FGF14: variants seen among roughly 807,000 people sequenced by gnomAD.
FGF14 encodes fibroblast growth factor homologous factor 4.
A neutral mutation model predicts 25.5 loss-of-function variants in FGF14; 5 were observed. The ratio of observed to expected loss-of-function variants is 0.20; its 90% CI spans 0.10 to 0.41. The LOEUF is 0.41. FGF14 is among the 10% of genes least tolerant of loss of function. The probability of loss-of-function intolerance (pLI) is 1.00; values close to 1 mark genes in which losing one functional copy is unlikely to be tolerated. For missense variants in FGF14, 222 were observed against 320.1 expected, an observed-to-expected ratio of 0.69 and a Z score of 2.34; for synonymous variants, 138 against 118.3, an observed-to-expected ratio of 1.17 and a Z score of -1.08.
chr13:102,000,005 C>T (rs2039395345), intron 1 of FGF14, among the ~76,000 whole-genome samples: 1 of 152,174 alleles, frequency 6.6e-6, no homozygotes, highest in Non-Finnish European at 1.5e-5. Context: ...TATACTGAAG[C>T]TCAGTATATC....
chr13:102,346,266 C>T (rs1216148722), intron 1 of FGF14, among the ~76,000 whole-genome samples: 5 of 152,066 alleles, frequency 3.3e-5, no homozygotes, highest in South Asian at 2.1e-4. Context: ...AAATGAAATA[C>T]TATATAGCTA....
At chr13:102,288,316 G>A (rs979562311) in intron 1 of FGF14, among the ~76,000 whole-genome samples, 4 of 151,956 alleles carry the variant, frequency 2.6e-5, no homozygotes, top group Non-Finnish European at 5.9e-5. Flanking sequence ...CAGAAAAACT[G>A]GTTCAAAGAT....
rs558779094 is a variant in FGF14, at chr13:101,777,919, G to A, written c.409-51109C>T. Among the ~76,000 whole-genome samples, 8 of 152,124 alleles carry A rather than the reference G, an allele frequency of 5.3e-5. No individual in the cohort carries two copies. In the East Asian group the frequency reaches 1.2e-3, roughly 22 times the overall value. ...GTGGAGGTTGCAGTGAGCCGAGATCGCACCATTGCACTCCAGCCTGGGTGA... is the reference window on the plus strand; with the variant it reads ...GTGGAGGTTGCAGTGAGCCGAGATCACACCATTGCACTCCAGCCTGGGTGA... On this transcript the variant is annotated intron_variant, in intron 3 of 4. Coordinates refer to ENST00000376143, the MANE Select transcript of FGF14 (RefSeq NM_004115.4).
chr13:102,289,300 G>A (rs2054263155), intron 1 of FGF14, among the ~76,000 whole-genome samples: 1 of 152,062 alleles, frequency 6.6e-6, no homozygotes, highest in Non-Finnish European at 1.5e-5. Context: ...TTCATTCCCA[G>A]CATTTCCCAC....
chr13:101,994,042 T>A (rs2039049863), intron 1 of FGF14, among the ~76,000 whole-genome samples: 2 of 152,060 alleles, frequency 1.3e-5, no homozygotes, highest in African/African-American at 4.8e-5. Context: ...AGTATAATGG[T>A]TACATGGGAT....
chr13:102,171,324 AG>A (rs1020289195), intron 1 of FGF14, among the ~76,000 whole-genome samples: 1 of 152,200 alleles, frequency 6.6e-6, no homozygotes, highest in Non-Finnish European at 1.5e-5. Flanking sequence ...TGATTGCATG[AG>A]GAAGCATTCA....
intron 3 of FGF14, among the ~76,000 whole-genome samples, chr13:101,739,340 T>C (rs113709722): frequency 7.9e-5 from 12 of 152,136 alleles, no homozygotes; most frequent in African/African-American, 2.9e-4. Context: ...TAAGCAAAAG[T>C]TGACATAGTT....
intron 3 of FGF14, among the ~76,000 whole-genome samples, chr13:101,753,587 C>T (rs1165977313): frequency 6.6e-6 from 1 of 152,046 alleles, no homozygotes; most frequent in East Asian, 1.9e-4. Flanking sequence ...GGCGCATCAC[C>T]TGAGGTCAGG....
intron 1 of FGF14, among the ~76,000 whole-genome samples, chr13:102,398,815 A>G (rs540194139): frequency 6.6e-6 from 1 of 150,962 alleles, no homozygotes; most frequent in Non-Finnish European, 1.5e-5. Flanking sequence ...TTAACAGGCT[A>G]AAACTTTTAG....
At position 101,916,869 on chromosome 13, in the gene FGF14, C is replaced by T. The variant is rs967699478; in HGVS notation, c.-224G>A. ...CGCGCAGATGCGCCCAGGGCGCAGC[C>T]GGACGATCCCGGGAAGCCGGACGTC... On this transcript the variant is annotated 5_prime_UTR_variant, in exon 1 of 5. Coordinates refer to ENST00000376143, the MANE Select transcript of FGF14 (RefSeq NM_004115.4). Among the ~76,000 whole-genome samples the T allele has an allele frequency of 6.6e-6, 1 of 152,108 alleles. No homozygotes were observed. The highest frequency in any genetic ancestry group is 2.4e-5 in the African/African-American group (1 of 41,440).
chr13:101,993,804 C>G (rs1224354357), intron 1 of FGF14, among the ~76,000 whole-genome samples: 1 of 151,822 alleles, frequency 6.6e-6, no homozygotes. Flanking sequence ...CAAAGAAAAT[C>G]TATGAAAGAT....
rs377102698 is a variant in FGF14 at position 102,161,573 on chromosome 13, G to GAAAAGAAGAAGAAAGA, written c.208+239897_208+239898insTCTTTCTTCTTCTTTT. Among the ~76,000 whole-genome samples the GAAAAGAAGAAGAAAGA allele has an allele frequency of 1.3e-3, 7 of 5,484 alleles. 1 individual carries two copies. The highest frequency in any genetic ancestry group is 2.4e-3 in the Non-Finnish European group (7 of 2,912). The allele number at this position is 5,484 out of a possible 152,430, so 3.6% of individuals were successfully genotyped here. The stretch of plus-strand genomic sequence containing the variant: ...ATGCAACCAACTTTCTGTGAAGAAA[G>GAAAAGAAGAAGAAAGA]AAAGAAGAAGAAGAAGAAGAAGAAG... On this transcript the variant is annotated intron_variant, in intron 1 of 4. Transcript: ENST00000376131.
At chr13:101,924,618 G>A (rs1480195648) in intron 1 of FGF14, among the ~76,000 whole-genome samples, 1 of 152,112 alleles carries the variant, frequency 6.6e-6, no homozygotes, top group Non-Finnish European at 1.5e-5. Context: ...ATTTAAATGG[G>A]AACAAGAGCA....
At chr13:101,871,498 T>C (rs1394811285) in intron 2 of FGF14, among the ~76,000 whole-genome samples, 1 of 152,086 alleles carries the variant, frequency 6.6e-6, no homozygotes, top group African/African-American at 2.4e-5. Flanking sequence ...GATCGAAATA[T>C]TTTACACATC....
At chr13:102,012,383 A>G (rs1261163665) in intron 1 of FGF14, among the ~76,000 whole-genome samples, 1 of 152,174 alleles carries the variant, frequency 6.6e-6, no homozygotes, top group Non-Finnish European at 1.5e-5. Context: ...TCTGGTAACA[A>G]TCTAGATTTC....
intron 1 of FGF14, among the ~76,000 whole-genome samples, chr13:102,382,414 A>T (rs1294335193): frequency 1.3e-5 from 2 of 152,152 alleles, no homozygotes; most frequent in Non-Finnish European, 2.9e-5. Context: ...TGCAAATCAA[A>T]TACACAATGA....
At chr13:101,794,647 A>T (rs2040419844) in intron 3 of FGF14, among the ~76,000 whole-genome samples, 1 of 152,084 alleles carries the variant, frequency 6.6e-6, no homozygotes, top group Non-Finnish European at 1.5e-5. Context: ...AAAAACCACT[A>T]CAACAACAAA....
intron 1 of FGF14, among the ~76,000 whole-genome samples, chr13:102,100,400 G>A (rs1055211024): frequency 3.9e-5 from 6 of 152,146 alleles, no homozygotes; most frequent in African/African-American, 1.4e-4. Context: ...ACCAGACAAG[G>A]AGTTAATTGC....
intron 3 of FGF14, among the ~76,000 whole-genome samples, chr13:101,806,131 G>T (rs1186285838): frequency 6.6e-6 from 1 of 151,844 alleles, no homozygotes; most frequent in Non-Finnish European, 1.5e-5. Flanking sequence ...AAGCATTAAT[G>T]AAAAATATGG....
Sources: gnomAD v4.1 joint callset for allele counts (sites outside exome capture counted in the v4.1 genomes callset) on GRCh38, gnomAD v4.1.1 for gene constraint, MANE v1.5 for transcripts, NCBI Gene and HGNC (gene_info 2026-07-23, HGNC 2026-07-21) for gene names.